The following VAV2 variants were observed in gnomAD, a reference collection of about 807,000 sequenced individuals.
VAV2 encodes the protein guanine nucleotide exchange factor VAV2.
In VAV2, 67 loss-of-function variants were observed where a neutral mutation model predicts 132.5. The ratio of observed to expected loss-of-function variants is 0.51; its 90% CI spans 0.42 to 0.62. The LOEUF (loss-of-function observed/expected upper bound fraction) is 0.62, where lower values mean the gene tolerates loss of function less well. VAV2 is among the 20% of genes least tolerant of loss of function. The pLI is 0.00. For synonymous variants in VAV2, 492 were observed against 443.5 expected (o/e 1.11, Z -1.37); for missense variants, 938 against 1,153.6 (o/e 0.81, Z 2.71).
At chr9:133,947,625 G>C (rs187487193) in intron 1 of VAV2, among the ~76,000 whole-genome samples, 1 of 151,760 alleles carries the variant, frequency 6.6e-6, no homozygotes, top group Non-Finnish European at 1.5e-5. Context: ...ATTGAACTCG[G>C]GAGGTGGAGG....
At chr9:133,989,339 C>CAA (rs34368097) in intron 1 of VAV2, among the ~76,000 whole-genome samples, 1 of 107,222 alleles carries the variant, frequency 9.3e-6, no homozygotes, top group Non-Finnish European at 1.9e-5. Context: ...AACTCCATCT[C>CAA]AAAAAAAAAA....
intron 1 of VAV2, among the ~76,000 whole-genome samples, chr9:133,939,867 G>A (rs1293380806): frequency 1.3e-5 from 2 of 152,202 alleles, no homozygotes; most frequent in African/African-American, 4.8e-5. Flanking sequence ...AGGGTGGAGG[G>A]AGCACAAAAG....
chr9:133,796,069 C>T (rs1247556237), intron 11 of VAV2, among the ~76,000 whole-genome samples: 1 of 152,250 alleles, frequency 6.6e-6, no homozygotes, highest in Non-Finnish European at 1.5e-5. Context: ...CAGAAACCAC[C>T]GCCTTCCCTC....
chr9:133,919,783 A>G lies in VAV2; in HGVS notation c.321+19320T>C, dbSNP rs919292741. Among the ~76,000 whole-genome samples the G allele has an allele frequency of 1.3e-5, 2 of 152,176 alleles. No individual in the cohort carries two copies. Among genetic ancestry groups the G allele is most frequent in the Non-Finnish European group, 2.9e-5 (2 of 68,022 alleles). Reference sequence around the variant, plus strand: ...CGCATTCTTGGCATCCGTGAGGCAGAGACATGGAAGATGGAAGGTCCCCGC... The same window carrying G: ...CGCATTCTTGGCATCCGTGAGGCAGGGACATGGAAGATGGAAGGTCCCCGC... On this transcript the variant is annotated intron_variant, in intron 2 of 29. Transcript: ENST00000371850. This position sits in a 1 kb window ranked among gnomAD's most constrained non-coding sequence, Gnocchi z 5.8.
chr9:133,798,161 C>A (rs1267970375), intron 9 of VAV2, among the ~76,000 whole-genome samples: 1 of 152,170 alleles, frequency 6.6e-6, no homozygotes, highest in Non-Finnish European at 1.5e-5. Context: ...CCCCTGACAT[C>A]CCCCCAGGAA....
At chr9:133,894,292 G>A (rs73662323) in intron 2 of VAV2, among the ~76,000 whole-genome samples, 4,973 of 152,330 alleles carry the variant, frequency 0.033, 268 homozygotes, top group African/African-American at 0.11. Flanking sequence ...CATCAGCACC[G>A]GCTGCAGCCA....
At chr9:133,805,695 G>A (rs141831446) in intron 9 of VAV2, among the ~76,000 whole-genome samples, 12 of 152,268 alleles carry the variant, frequency 7.9e-5, no homozygotes, top group African/African-American at 2.6e-4. Context: ...TAAGCTCCAC[G>A]TGCCACCTCT....
intron 2 of VAV2, 61 bp from the exon 3 acceptor site, chr9:133,861,493 A>G: frequency 3.2e-6 from 5 of 1,585,938 alleles, no homozygotes; most frequent in Non-Finnish European, 4.3e-6. Context: ...GGCATCACAG[A>G]ACTGGGGACG....
rs371130843 is a variant in VAV2, at chr9:133,976,959, C to T, written c.204+15116G>A. Among the ~76,000 whole-genome samples the T allele has an allele frequency of 1.1e-4, 16 of 152,340 alleles. No homozygotes were observed. The East Asian group carries it at 2.1e-3, about 20-fold the overall frequency. Reference sequence around the variant, plus strand: ...TCCAGGACTCCAGCCTAGGTCCTAACCACACTGCCCTGTGCCTGGACACCC... The same window carrying T: ...TCCAGGACTCCAGCCTAGGTCCTAATCACACTGCCCTGTGCCTGGACACCC... On this transcript the variant is annotated intron_variant, in intron 1 of 29. Coordinates refer to ENST00000371850, the MANE Select transcript of VAV2 (RefSeq NM_001134398.2).
At chr9:133,814,368 G>A (rs913193875) in intron 4 of VAV2, among the ~76,000 whole-genome samples, 49 of 152,342 alleles carry the variant, frequency 3.2e-4, no homozygotes, top group Middle Eastern at 6.8e-3. Flanking sequence ...TGTTCTCAGC[G>A]GCTGCCAGCC....
At chr9:133,940,605 G>A (rs1455291912) in intron 1 of VAV2, among the ~76,000 whole-genome samples, 1 of 152,052 alleles carries the variant, frequency 6.6e-6, no homozygotes, top group African/African-American at 2.4e-5. Flanking sequence ...ATCCTGGCAG[G>A]GGTCGGCTGC....
At chr9:133,938,011 G>A (rs1381651260) in intron 2 of VAV2, among the ~76,000 whole-genome samples, 1 of 152,220 alleles carries the variant, frequency 6.6e-6, no homozygotes, top group Non-Finnish European at 1.5e-5. Context: ...CCTGACCTGA[G>A]GCCGTGCAGC....
At position 133,764,039 on chromosome 9, in the gene VAV2, G is replaced by A. The variant is rs373904140; in HGVS notation, c.*23C>T. 3.0e-5 allele frequency: 48 copies of A among 1,613,886 alleles called. No individual in the cohort carries two copies. Among genetic ancestry groups the A allele is most frequent in the African/African-American group, 2.9e-4 (22 of 74,890 alleles). The stretch of plus-strand genomic sequence containing the variant: ...GAGTGACTCTCCCAAGAAAATCTGC[G>A]AGTCTTGTCCACGTTCCTGCCGTCA... On this transcript the variant is annotated 3_prime_UTR_variant, in exon 30 of 30. Coordinates refer to ENST00000371850, the MANE Select transcript of VAV2 (RefSeq NM_001134398.2).
intron 1 of VAV2, among the ~76,000 whole-genome samples, chr9:133,947,446 T>C (rs1019202696): frequency 1.3e-5 from 2 of 152,128 alleles, no homozygotes; most frequent in Admixed American, 6.5e-5. Context: ...ACGCCTATAA[T>C]CCTGGCCCTT....
At chr9:133,767,641 G>C (rs1833480841) in intron 29 of VAV2, among the ~76,000 whole-genome samples, 1 of 152,214 alleles carries the variant, frequency 6.6e-6, no homozygotes, top group South Asian at 2.1e-4. Context: ...AAATGGGTCA[G>C]ACTTGAGGGC....
chr9:133,859,544 A>G (rs1002764915), intron 3 of VAV2, among the ~76,000 whole-genome samples: 1 of 152,240 alleles, frequency 6.6e-6, no homozygotes, highest in Non-Finnish European at 1.5e-5. Context: ...GAAGAGATCA[A>G]AAGTCTAGTA....
intron 1 of VAV2, among the ~76,000 whole-genome samples, chr9:133,984,201 T>G (rs1020571980): frequency 6.6e-6 from 1 of 152,246 alleles, no homozygotes; most frequent in Non-Finnish European, 1.5e-5. Flanking sequence ...CTCAAAATCC[T>G]GACCTCAGGT....
At chr9:133,778,221 T>A (rs992441841) in intron 22 of VAV2, among the ~76,000 whole-genome samples, 1 of 151,522 alleles carries the variant, frequency 6.6e-6, no homozygotes, top group Non-Finnish European at 1.5e-5. Flanking sequence ...AGGTCCCCAC[T>A]CTGTGGGCCT....
At chr9:133,889,282 G>A (rs529865890) in intron 2 of VAV2, among the ~76,000 whole-genome samples, 218 of 152,292 alleles carry the variant, frequency 1.4e-3, no homozygotes, top group African/African-American at 4.9e-3. Flanking sequence ...GCCGAAGGGT[G>A]GGGGCTCACG....
Sources: allele counts gnomAD v4.1 joint callset (sites outside exome capture counted in the v4.1 genomes callset), GRCh38; gene constraint gnomAD v4.1.1; non-coding constraint Gnocchi (gnomAD v3.1); transcripts MANE v1.5; gene names NCBI Gene and HGNC (gene_info 2026-07-23, HGNC 2026-07-21).